MINDY3: variants seen among roughly 807,000 people sequenced by gnomAD.
MINDY3 encodes the protein ubiquitin carboxyl-terminal hydrolase MINDY-3.
In MINDY3, 38 loss-of-function variants were observed where a neutral mutation model predicts 69.2. That is an observed-to-expected ratio of 0.55 (90% CI 0.42 to 0.72). The LOEUF (loss-of-function observed/expected upper bound fraction) is 0.72. Among genes scored for constraint, MINDY3 ranks in the 30% least tolerant of loss-of-function variants. The pLI, the probability that MINDY3 is intolerant of heterozygous loss-of-function variation, is 0.00. For synonymous variants in MINDY3, 192 were observed against 180.1 expected (o/e 1.07, Z -0.53); for missense variants, 522 against 519.0 (o/e 1.01, Z -0.06).
intron 4 of MINDY3, among the ~76,000 whole-genome samples, chr10:15,838,694 TTATTAAACAAACATG>T (rs1477151540): frequency 1.3e-5 from 2 of 151,832 alleles, no homozygotes; most frequent in East Asian, 3.9e-4. Flanking sequence ...TAAGGCTTAA[TTATTAAACAAACATG>T]TATAAAAAGG....
chr10:15,833,203 T>C (rs1456019384), intron 8 of MINDY3, among the ~76,000 whole-genome samples: 1 of 152,168 alleles, frequency 6.6e-6, no homozygotes, highest in Non-Finnish European at 1.5e-5. Context: ...CAGTATTAAA[T>C]TTGCTCGGTG....
intron 4 of MINDY3, among the ~76,000 whole-genome samples, chr10:15,839,046 C>T (rs1833287221): frequency 6.6e-6 from 1 of 151,614 alleles, no homozygotes; most frequent in African/African-American, 2.4e-5. Context: ...GACTTGAGCA[C>T]AGATAGTCTT....
At chr10:15,806,909 T>C (rs1838676358) in intron 10 of MINDY3, among the ~76,000 whole-genome samples, 1 of 152,184 alleles carries the variant, frequency 6.6e-6, no homozygotes, top group Non-Finnish European at 1.5e-5. Flanking sequence ...TTCTTCCCTC[T>C]TCCAGGGTCT....
chr10:15,835,953 T>C (rs1376545968), intron 6 of MINDY3, among the ~76,000 whole-genome samples: 2 of 152,084 alleles, frequency 1.3e-5, no homozygotes, highest in African/African-American at 4.8e-5. Context: ...TCACAACTCC[T>C]ATCCCAATTT....
chr10:15,791,811 G>A (rs1224671904), intron 11 of MINDY3, among the ~76,000 whole-genome samples: 3 of 152,084 alleles, frequency 2.0e-5, no homozygotes, highest in African/African-American at 7.2e-5. Flanking sequence ...TAACTGGGAG[G>A]AAACCTGAGT....
chr10:15,826,485 T>C (rs1327026262), intron 8 of MINDY3, among the ~76,000 whole-genome samples: 1 of 152,172 alleles, frequency 6.6e-6, no homozygotes, highest in African/African-American at 2.4e-5. Context: ...GAAGATAATA[T>C]GTAAAGATAT....
chr10:15,845,620 T>C (rs1031610477), intron 2 of MINDY3, among the ~76,000 whole-genome samples: 1 of 151,514 alleles, frequency 6.6e-6, no homozygotes, highest in East Asian at 1.9e-4. Flanking sequence ...CCTTCTAGCC[T>C]CCCGAGTAGC....
chr10:15,850,278 T>C (rs1834187035), intron 1 of MINDY3, among the ~76,000 whole-genome samples: 1 of 152,168 alleles, frequency 6.6e-6, no homozygotes, highest in Non-Finnish European at 1.5e-5. Context: ...TTGTAGAGCA[T>C]GTGTGTTTGA....
chr10:15,806,401 G>A (rs1268156714), intron 10 of MINDY3, among the ~76,000 whole-genome samples: 1 of 152,034 alleles, frequency 6.6e-6, no homozygotes, highest in Non-Finnish European at 1.5e-5. Flanking sequence ...ATTTAATCTT[G>A]GGAGGCTTGG....
At chr10:15,851,626 T>C (rs1172796566) in intron 1 of MINDY3, among the ~76,000 whole-genome samples, 1 of 152,040 alleles carries the variant, frequency 6.6e-6, no homozygotes, top group Non-Finnish European at 1.5e-5. Flanking sequence ...CCATCCCATC[T>C]CCAGTCCACC....
At chr10:15,846,093 GA>G (rs1029913006) in intron 2 of MINDY3, among the ~76,000 whole-genome samples, 1 of 152,050 alleles carries the variant, frequency 6.6e-6, no homozygotes, top group African/African-American at 2.4e-5. Flanking sequence ...AAAGTGCTGG[GA>G]TTACAGGCAT....
intron 10 of MINDY3, among the ~76,000 whole-genome samples, chr10:15,801,678 C>A (rs1237713676): frequency 6.6e-6 from 1 of 151,998 alleles, no homozygotes; most frequent in Non-Finnish European, 1.5e-5. Flanking sequence ...TTAAAGAGAA[C>A]CGCAACAGCA....
chr10:15,849,768 T>C (rs1207760234), intron 1 of MINDY3, among the ~76,000 whole-genome samples: 1 of 152,086 alleles, frequency 6.6e-6, no homozygotes, highest in Non-Finnish European at 1.5e-5. Flanking sequence ...CCAGGAAGCA[T>C]ATAAACATTT....
At chr10:15,837,119 C>A in intron 6 of MINDY3, 85 bp downstream of exon 6, 1 of 680,728 alleles carries the variant, frequency 1.5e-6, no homozygotes, top group Admixed American at 2.8e-5. Flanking sequence ...AAAACACCAT[C>A]AGGAATAAAA....
At chr10:15,838,023 G>A (rs2132075118) in intron 5 of MINDY3, 1 of 979,790 alleles carries the variant, frequency 1.0e-6, no homozygotes, top group Non-Finnish European at 1.2e-6. Flanking sequence ...GCGTATCTGG[G>A]TAGTTAATTA....
chr10:15,825,711 G>A (rs151153288), intron 8 of MINDY3, among the ~76,000 whole-genome samples: 75 of 152,202 alleles, frequency 4.9e-4, no homozygotes, highest in African/African-American at 1.7e-3. Context: ...TATATTTACC[G>A]TGTACAACAT....
chr10:15,843,346 G>T, intron 2 of MINDY3, 74 bp from the exon 3 acceptor site: 1 of 1,241,612 alleles, frequency 8.1e-7, no homozygotes, highest in Non-Finnish European at 1.2e-6. Flanking sequence ...ATTTTAAAGT[G>T]GGAAAAAATA....
At chr10:15,833,439 C>T (rs1832864139) in intron 8 of MINDY3, among the ~76,000 whole-genome samples, 191 bp downstream of exon 8, 1 of 152,112 alleles carries the variant, frequency 6.6e-6, no homozygotes, top group South Asian at 2.1e-4. Context: ...GGGATTTGAA[C>T]CCAAGATTGC....
chr10:15,821,517 G>C, intron 9 of MINDY3, 139 bp downstream of exon 9: 1 of 572,840 alleles, frequency 1.7e-6, no homozygotes, highest in Non-Finnish European at 3.0e-6. Context: ...CTGGTTTAGG[G>C]TGGGGGATAG....
Sources: allele counts gnomAD v4.1 joint callset (sites outside exome capture counted in the v4.1 genomes callset), GRCh38; gene constraint gnomAD v4.1.1; transcripts MANE v1.5; gene names NCBI Gene and HGNC (gene_info 2026-07-23, HGNC 2026-07-21).